The following DPP6 variants were observed in gnomAD, a reference collection of about 807,000 sequenced individuals.
The protein encoded by DPP6 is dipeptidyl peptidase like 6, also known as A-type potassium channel modulatory protein DPP6.
In DPP6, 69 loss-of-function variants were observed where a neutral mutation model predicts 122.6. That is an observed-to-expected ratio of 0.56 (90% CI 0.46 to 0.69). DPP6 has a LOEUF of 0.69. Among genes scored for constraint, DPP6 ranks in the 30% least tolerant of loss-of-function variants. The pLI is 0.00. For missense variants in DPP6, 928 were observed against 1,116.9 expected, an observed-to-expected ratio of 0.83 and a Z score of 2.41; for synonymous variants, 418 against 433.1, an observed-to-expected ratio of 0.97 and a Z score of 0.43.
intron 1 of DPP6, among the ~76,000 whole-genome samples, chr7:154,400,010 G>C (rs1815429643): frequency 6.6e-6 from 1 of 152,180 alleles, no homozygotes; most frequent in Non-Finnish European, 1.5e-5. Flanking sequence ...GTGCACCTTG[G>C]AGGGAGTGCA....
At chr7:154,525,892 C>A (rs994861841) in intron 3 of DPP6, among the ~76,000 whole-genome samples, 25 of 152,176 alleles carry the variant, frequency 1.6e-4, no homozygotes, top group Non-Finnish European at 4.4e-5. Context: ...TACATTTCCT[C>A]ACCGTCTCTA....
At chr7:154,532,795 A>G (rs534202658) in intron 3 of DPP6, among the ~76,000 whole-genome samples, 1 of 152,262 alleles carries the variant, frequency 6.6e-6, no homozygotes, top group African/African-American at 2.4e-5. Context: ...ATTTATACTG[A>G]TGGGGTTCAG....
intron 1 of DPP6, among the ~76,000 whole-genome samples, chr7:154,090,382 T>A (rs570866668): frequency 3.3e-5 from 5 of 152,282 alleles, no homozygotes; most frequent in African/African-American, 1.2e-4. Flanking sequence ...TAGCTTAGGA[T>A]CCGGTTGCTA....
At chr7:154,401,623 A>G (rs1313518078) in intron 1 of DPP6, among the ~76,000 whole-genome samples, 1 of 152,254 alleles carries the variant, frequency 6.6e-6, no homozygotes, top group Non-Finnish European at 1.5e-5. Flanking sequence ...CTTAAACGTT[A>G]AACCTAAAAC....
intron 1 of DPP6, chr7:154,093,612 TACACACACACAC>T (rs368214447): frequency 8.7e-6 from 1 of 114,444 alleles, no homozygotes; most frequent in East Asian, 2.9e-4. Flanking sequence ...ACACACACCA[TACACACACACAC>T]ACACACACCA....
At position 154,540,106 on chromosome 7, in the gene DPP6, G is replaced by C. The variant is rs142956376; in HGVS notation, c.458-426G>C. Among the ~76,000 whole-genome samples, 8 of 152,326 alleles carry C rather than the reference G, an allele frequency of 5.3e-5. No individual in the cohort carries two copies. The East Asian group carries it at 9.7e-4, about 18-fold the overall frequency. On this transcript the variant is annotated intron_variant, in intron 3 of 25. Coordinates refer to ENST00000377770, the MANE Select transcript of DPP6 (RefSeq NM_130797.4). ...CAAGCAAGAGCACCTAGGGGAGCTC[G>C]TGGAGCAGATGAAAGCATGTTTTGC... is the stretch of plus-strand genomic sequence containing the variant.
chr7:153,812,066 C>T, the DPP6 span, among the ~76,000 whole-genome samples: 2 of 152,120 alleles, frequency 1.3e-5, no homozygotes, highest in Non-Finnish European at 1.5e-5. Flanking sequence ...CTCTGTTCCC[C>T]ATTTATTTTC....
the DPP6 span, among the ~76,000 whole-genome samples, chr7:153,789,528 G>C: frequency 6.6e-6 from 1 of 152,158 alleles, no homozygotes; most frequent in Non-Finnish European, 1.5e-5. Context: ...AAGACAATCA[G>C]AAGCTATTCT....
At chr7:154,280,606 T>C (rs779287260) in intron 1 of DPP6, among the ~76,000 whole-genome samples, 1 of 152,220 alleles carries the variant, frequency 6.6e-6, no homozygotes, top group Non-Finnish European at 1.5e-5. Context: ...AGCTATTAAT[T>C]CAATTTACAC....
At chr7:154,280,756 G>C (rs773569595) in intron 1 of DPP6, among the ~76,000 whole-genome samples, 2 of 151,906 alleles carry the variant, frequency 1.3e-5, no homozygotes, top group African/African-American at 4.8e-5. Context: ...TACCAATAAC[G>C]CAGTGTAAGA....
intron 6 of DPP6, among the ~76,000 whole-genome samples, chr7:154,667,298 G>A (rs1218711070): frequency 6.6e-6 from 1 of 152,094 alleles, no homozygotes; most frequent in Non-Finnish European, 1.5e-5. Flanking sequence ...TCATGCAAAA[G>A]TTTTATGTTT....
At chr7:153,868,280 A>C in the DPP6 span, among the ~76,000 whole-genome samples, 2 of 151,964 alleles carry the variant, frequency 1.3e-5, no homozygotes, top group Admixed American at 6.6e-5. Context: ...CCATCTGGTC[A>C]TGGACTTTTT....
At chr7:153,821,227 T>C in the DPP6 span, among the ~76,000 whole-genome samples, 2 of 152,014 alleles carry the variant, frequency 1.3e-5, no homozygotes, top group African/African-American at 4.8e-5. Flanking sequence ...ACTATAGACA[T>C]GGAATAAGAA....
At chr7:154,504,026 T>C (rs1318861000) in intron 3 of DPP6, among the ~76,000 whole-genome samples, 1 of 152,250 alleles carries the variant, frequency 6.6e-6, no homozygotes, top group Non-Finnish European at 1.5e-5. Context: ...TCCTTTTAGC[T>C]GAATGATCCC....
chr7:153,953,896 G>A (rs548464209), intron 1 of DPP6, among the ~76,000 whole-genome samples: 93 of 152,268 alleles, frequency 6.1e-4, no homozygotes, highest in African/African-American at 2.2e-3. Flanking sequence ...GAAATCTGGA[G>A]GGCAGCCTGG....
At chr7:153,881,049 A>G in the DPP6 span, among the ~76,000 whole-genome samples, 4 of 152,234 alleles carry the variant, frequency 2.6e-5, no homozygotes, top group Admixed American at 2.6e-4. Flanking sequence ...TTATTTTAAA[A>G]TTTAATATGT....
rs1192702346 is a variant in DPP6 at position 154,893,723 on chromosome 7, A to G, written c.*1243A>G. The G allele has an allele frequency of 6.6e-6, 1 of 152,174 alleles. No homozygotes were observed. Among genetic ancestry groups the G allele is most frequent in the African/African-American group, 2.4e-5 (1 of 41,438 alleles). The allele number at this position is 152,174 out of a possible 1,614,324, so 9.4% of individuals were successfully genotyped here. ...TCATTCTCTTGTATATAAAGGAAGC[A>G]ATGTGTGTCAGGCCTCTGTGCAGTC... On this transcript the variant is annotated 3_prime_UTR_variant, in exon 26 of 26. Transcript: ENST00000377770.
chr7:154,710,969 T>C (rs1299807778), intron 7 of DPP6, among the ~76,000 whole-genome samples: 2 of 152,254 alleles, frequency 1.3e-5, no homozygotes, highest in African/African-American at 4.8e-5. Flanking sequence ...CTTTCACTTT[T>C]ATTTACTACA....
chr7:153,770,205 G>T, the DPP6 span, among the ~76,000 whole-genome samples: 3 of 152,048 alleles, frequency 2.0e-5, no homozygotes, highest in South Asian at 6.2e-4. Flanking sequence ...CCCTCAGGCC[G>T]AGATGAATAC....
Sources: gnomAD v4.1 joint callset for allele counts (sites outside exome capture counted in the v4.1 genomes callset) on GRCh38, gnomAD v4.1.1 for gene constraint, MANE v1.5 for transcripts, NCBI Gene and HGNC (gene_info 2026-07-23, HGNC 2026-07-21) for gene names.